The following ATOH8 variants were observed in gnomAD, a reference collection of about 807,000 sequenced individuals.
The protein encoded by ATOH8 is atonal bHLH transcription factor 8, also known as transcription factor ATOH8.
In ATOH8, 9 loss-of-function variants were observed where a neutral mutation model predicts 21.2. That is an observed-to-expected ratio of 0.42 (90% CI 0.26 to 0.74). The LOEUF is 0.74. ATOH8 is among the 30% of genes least tolerant of loss of function. ATOH8 has a pLI of 0.24. For synonymous variants in ATOH8, 253 were observed against 224.0 expected (o/e 1.13, Z -1.16); for missense variants, 524 against 470.9 (o/e 1.11, Z -1.04).
At chr2:85,771,649 G>A (rs1230831177) in intron 2 of ATOH8, among the ~76,000 whole-genome samples, 1 of 152,144 alleles carries the variant, frequency 6.6e-6, no homozygotes, top group Non-Finnish European at 1.5e-5. Flanking sequence ...AGAAATCCTC[G>A]GATGTCAAAG....
At chr2:85,784,785 C>T (rs768259679) in intron 2 of ATOH8, among the ~76,000 whole-genome samples, 3 of 152,184 alleles carry the variant, frequency 2.0e-5, no homozygotes, top group Non-Finnish European at 4.4e-5. Flanking sequence ...AGGCACAGAG[C>T]GGGAGAGTGA....
Position 85,788,308 on chromosome 2 carries a change from G to A in ATOH8, c.*1418G>A, listed in dbSNP as rs113626898. ...AACACATGAGGAGCCCTCTCTGTCC[G>A]CACTGCACTCAATCTGTACCATGGA... On this transcript the variant is annotated 3_prime_UTR_variant, in exon 3 of 3. Transcript: ENST00000306279. 2.4e-3 allele frequency among the ~76,000 whole-genome samples: 358 copies of A among 152,150 alleles called. 2 individuals carry two copies. Among genetic ancestry groups the A allele is most frequent in the Non-Finnish European group, 4.1e-3 (279 of 67,990 alleles).
At chr2:85,769,998 C>A (rs1680135677) in intron 2 of ATOH8, among the ~76,000 whole-genome samples, 1 of 152,220 alleles carries the variant, frequency 6.6e-6, no homozygotes, top group South Asian at 2.1e-4. Context: ...TAATGACTGA[C>A]CCCTGTGTTA....
chr2:85,757,243 G>A (rs552587037), intron 1 of ATOH8, among the ~76,000 whole-genome samples: 1 of 152,262 alleles, frequency 6.6e-6, no homozygotes, highest in South Asian at 2.1e-4. Context: ...TCTGGTCATA[G>A]AACCAGGGGC....
chr2:85,776,347 C>T (rs1680321857), intron 2 of ATOH8, among the ~76,000 whole-genome samples: 1 of 152,234 alleles, frequency 6.6e-6, no homozygotes, highest in Non-Finnish European at 1.5e-5. Context: ...ACCTCAGGCA[C>T]TTGCCTTCAA....
At chr2:85,783,856 C>A (rs1347619318) in intron 2 of ATOH8, among the ~76,000 whole-genome samples, 1 of 151,652 alleles carries the variant, frequency 6.6e-6, no homozygotes, top group Non-Finnish European at 1.5e-5. Flanking sequence ...ATGCACCCCC[C>A]GCCCCCCACA....
At chr2:85,764,332 G>A in intron 2 of ATOH8, 150 bp downstream of exon 2, 1 of 1,011,866 alleles carries the variant, frequency 9.9e-7, no homozygotes, top group Non-Finnish European at 1.4e-6. Flanking sequence ...CAGCTTCAGT[G>A]CTCCTCAAAT....
intron 2 of ATOH8, among the ~76,000 whole-genome samples, chr2:85,765,345 C>T (rs781509854): frequency 2.6e-5 from 4 of 152,212 alleles, no homozygotes; most frequent in African/African-American, 4.8e-5. Context: ...TCCCGGAGGT[C>T]CCCCACGGAC....
intron 2 of ATOH8, chr2:85,772,900 C>T (rs779420072): frequency 1.4e-4 from 62 of 446,792 alleles, no homozygotes; most frequent in African/African-American, 1.2e-3. Flanking sequence ...CCGAAGGCCA[C>T]CTCATTAGTG....
chr2:85,776,818 G>C (rs181155285), intron 2 of ATOH8, among the ~76,000 whole-genome samples: 1 of 152,116 alleles, frequency 6.6e-6, no homozygotes, highest in South Asian at 2.1e-4. Flanking sequence ...GGAGTGAGCC[G>C]TTTGGAGCCC....
intron 2 of ATOH8, among the ~76,000 whole-genome samples, chr2:85,768,764 C>T (rs970798385): frequency 2.0e-5 from 3 of 152,198 alleles, no homozygotes; most frequent in African/African-American, 7.2e-5. Flanking sequence ...CAGCCCTCCT[C>T]GGCAGGGGGT....
chr2:85,757,881 G>A (rs1679759229), intron 1 of ATOH8, among the ~76,000 whole-genome samples: 3 of 151,602 alleles, frequency 2.0e-5, no homozygotes, highest in Admixed American at 2.0e-4. Context: ...CACCTCCCAG[G>A]TTCAAGTGAT....
intron 2 of ATOH8, among the ~76,000 whole-genome samples, chr2:85,779,620 G>A (rs901814837): frequency 1.3e-5 from 2 of 152,210 alleles, no homozygotes; most frequent in African/African-American, 2.4e-5. Flanking sequence ...GATGGCTTGG[G>A]GACCTGCCGT....
Position 85,754,344 on chromosome 2 carries a change from C to G in ATOH8, c.155C>G (p.Pro52Arg). The G allele has an allele frequency of 6.2e-7, 1 of 1,607,694 alleles. No individual in the cohort carries two copies. The highest frequency in any genetic ancestry group is 8.5e-7 in the Non-Finnish European group (1 of 1,177,904). Residue 52 changes from proline (P) to arginine (R), a missense_variant, in exon 1 of 3, where the codon CCC (proline) becomes CGC (arginine). Physicochemically the swap from Pro to Arg is moderately radical, Grantham distance 103. Coordinates refer to ENST00000306279, the MANE Select transcript of ATOH8 (RefSeq NM_032827.7). ...TFRLDLEAPE[P>R]RAVATNGLRD... is the part of the protein sequence containing the mutation. Reference sequence around the variant, plus strand: ...CGACTGGACTTGGAAGCGCCCGAGCCCCGCGCCGTAGCCACCAACGGGCTG... The same window carrying G: ...CGACTGGACTTGGAAGCGCCCGAGCGCCGCGCCGTAGCCACCAACGGGCTG...
At chr2:85,755,088 A>G in intron 1 of ATOH8, 131 bp downstream of exon 1, 1 of 1,269,770 alleles carries the variant, frequency 7.9e-7, no homozygotes. Flanking sequence ...CCTGGTGCCC[A>G]GACAGGTGTG....
At chr2:85,765,078 G>T (rs534669455) in intron 2 of ATOH8, among the ~76,000 whole-genome samples, 1 of 152,302 alleles carries the variant, frequency 6.6e-6, no homozygotes, top group Non-Finnish European at 1.5e-5. Flanking sequence ...CCCAGTCAGG[G>T]GTCAGTGCTG....
chr2:85,783,998 C>T (rs2104537235), intron 2 of ATOH8, among the ~76,000 whole-genome samples: 1 of 152,234 alleles, frequency 6.6e-6, no homozygotes, highest in South Asian at 2.1e-4. Context: ...TGGGGATTGG[C>T]ATGCTGGGAG....
At chr2:85,774,999 C>T (rs1007779504) in intron 2 of ATOH8, 2 of 985,390 alleles carry the variant, frequency 2.0e-6, no homozygotes, top group Non-Finnish European at 2.4e-6. Flanking sequence ...TGGTCTAATT[C>T]AGGAGAGCAT....
chr2:85,754,423 C>A lies in ATOH8; in HGVS notation c.234C>A (p.Val78=), dbSNP rs767213610. ...TCCCGGTACCGGTGCCGGTGCCAGT[C>A]CCAGTGGCGCCGGCCGTTCCCCCAA... is the stretch of plus-strand genomic sequence containing the variant. The part of the protein sequence containing the change: ...QPVPVPVPVP[V]PVAPAVPPRG... The change falls in exon 1 of 3, where the codon GTC becomes GTA. Residue 78 remains valine (V), a synonymous_variant. Coordinates refer to ENST00000306279, the MANE Select transcript of ATOH8 (RefSeq NM_032827.7). 1 of 1,539,270 alleles carries A rather than the reference C, an allele frequency of 6.5e-7. No homozygotes were observed. The highest frequency in any genetic ancestry group is 2.5e-5 in the East Asian group (1 of 40,502).
Sources: allele counts gnomAD v4.1 joint callset (sites outside exome capture counted in the v4.1 genomes callset), GRCh38; gene constraint gnomAD v4.1.1; transcripts MANE v1.5; gene names NCBI Gene and HGNC (gene_info 2026-07-23, HGNC 2026-07-21).